Variants in ARHGAP20 observed in about 807,000 individuals in gnomAD.
The protein encoded by ARHGAP20 is Rho GTPase activating protein 20.
Under a neutral mutation model 73.7 loss-of-function variants are expected in ARHGAP20, and 34 were observed. The ratio of observed to expected loss-of-function variants is 0.46; its 90% CI spans 0.35 to 0.61. The LOEUF (loss-of-function observed/expected upper bound fraction) is 0.61. ARHGAP20 is among the 20% of genes least tolerant of loss of function. ARHGAP20 has a pLI of 0.00. For missense variants in ARHGAP20, 1,314 were observed against 1,420.9 expected, an observed-to-expected ratio of 0.92 and a Z score of 1.21; for synonymous variants, 523 against 518.2, an observed-to-expected ratio of 1.01 and a Z score of -0.13.
rs544243347 is a variant in ARHGAP20, at chr11:110,667,371, C to G, written c.188+23176G>C. ...CTCTGCTTGTGCTCTATCATTGGAGCAACAAAGTGTGGGTGACAGCATATC... is the reference window on the plus strand; with the variant it reads ...CTCTGCTTGTGCTCTATCATTGGAGGAACAAAGTGTGGGTGACAGCATATC... On this transcript the variant is annotated intron_variant, in intron 2 of 14. Coordinates refer to ENST00000683387, the MANE Select transcript of ARHGAP20 (RefSeq NM_001384657.1). Among the ~76,000 whole-genome samples the G allele has an allele frequency of 2.0e-5, 3 of 152,256 alleles. No individual in the cohort carries two copies. In the South Asian group the frequency reaches 6.2e-4, roughly 32 times the overall value.
At chr11:110,640,899 T>C (rs112676026) in intron 2 of ARHGAP20, among the ~76,000 whole-genome samples, 37 of 152,076 alleles carry the variant, frequency 2.4e-4, no homozygotes, top group African/African-American at 8.4e-4. Context: ...ACTTAAAGTA[T>C]AATGAAAAAA....
chr11:110,590,952 A>T, intron 10 of ARHGAP20, 143 bp from the exon 11 acceptor site: 1 of 871,892 alleles, frequency 1.1e-6, no homozygotes, highest in African/African-American at 1.7e-5. Flanking sequence ...TGGCCGGAAA[A>T]ATTAAAGTCA....
At chr11:110,628,327 T>G (rs1261076760) in intron 3 of ARHGAP20, among the ~76,000 whole-genome samples, 1 of 152,090 alleles carries the variant, frequency 6.6e-6, no homozygotes, top group East Asian at 1.9e-4. Flanking sequence ...CATCCAAGGG[T>G]AAGAAATGAC....
intron 11 of ARHGAP20, among the ~76,000 whole-genome samples, chr11:110,587,778 T>C (rs1947709780): frequency 6.6e-6 from 1 of 152,076 alleles, no homozygotes; most frequent in South Asian, 2.1e-4. Flanking sequence ...TTTTTTAGAA[T>C]GTTTAACAAG....
At chr11:110,662,581 A>C (rs78162130) in intron 2 of ARHGAP20, among the ~76,000 whole-genome samples, 4,213 of 152,026 alleles carry the variant, frequency 0.028, 147 homozygotes, top group African/African-American at 0.08. Context: ...ATTATAAGAT[A>C]ATGTGAGTAA....
intron 9 of ARHGAP20, among the ~76,000 whole-genome samples, chr11:110,606,226 G>A (rs1426912919): frequency 6.6e-6 from 1 of 152,128 alleles, no homozygotes; most frequent in Non-Finnish European, 1.5e-5. Context: ...ACCATTTAGG[G>A]AGAACACACA....
At position 110,578,043 on chromosome 11, in the gene ARHGAP20, T is replaced by C. The variant is rs1361711421; in HGVS notation, c.*1327A>G. ...GGTTAGTAGTTAATGTGAAAGAAGA[T>C]GCACATCCATTTTTAGTGCCATCCC... On this transcript the variant is annotated 3_prime_UTR_variant, in exon 15 of 15. Transcript: ENST00000683387. 1.0e-5 allele frequency: 10 copies of C among 985,304 alleles called. No homozygotes were observed. Among genetic ancestry groups the C allele is most frequent in the Non-Finnish European group, 1.1e-5 (9 of 829,922 alleles). 61.0% of individuals were successfully genotyped at this position (985,304 alleles called of 1,614,324 possible).
intron 2 of ARHGAP20, among the ~76,000 whole-genome samples, chr11:110,651,384 C>A (rs1054174771): frequency 1.9e-4 from 29 of 151,860 alleles, no homozygotes; most frequent in African/African-American, 7.0e-4. Flanking sequence ...CAGAGTGGAA[C>A]TGAAGAAGGT....
At chr11:110,712,079 TG>T (rs1191456841) in intron 1 of ARHGAP20, 47 bp downstream of exon 1, 10 of 1,256,102 alleles carry the variant, frequency 8.0e-6, no homozygotes, top group South Asian at 3.5e-5. Context: ...GCGCCGGCAG[TG>T]GGGGCTGCGG....
intron 11 of ARHGAP20, 122 bp from the exon 12 acceptor site, chr11:110,586,447 G>GA: frequency 4.3e-6 from 2 of 467,756 alleles, no homozygotes; most frequent in Non-Finnish European, 7.5e-6. Flanking sequence ...GAACTACACA[G>GA]AGCTCTGCGC....
intron 12 of ARHGAP20, among the ~76,000 whole-genome samples, chr11:110,585,060 T>C (rs1266722563): frequency 6.7e-6 from 1 of 150,250 alleles, no homozygotes; most frequent in Non-Finnish European, 1.5e-5. Context: ...TATATGAATA[T>C]ATGTGAACAT....
chr11:110,592,883 G>A lies in ARHGAP20; in HGVS notation c.965-728C>T, dbSNP rs371738505. 2.4e-4 allele frequency among the ~76,000 whole-genome samples: 36 copies of A among 152,262 alleles called. No individual in the cohort carries two copies. In the East Asian group the frequency reaches 2.9e-3, roughly 12 times the overall value. On this transcript the variant is annotated intron_variant, in intron 9 of 14. Coordinates refer to ENST00000683387, the MANE Select transcript of ARHGAP20 (RefSeq NM_001384657.1). ...TTCTTGACTTTAAAGTATGTTTAAG[G>A]AAGCATGGATGGACACAAACATGAA...
intron 3 of ARHGAP20, among the ~76,000 whole-genome samples, chr11:110,628,554 C>CTA (rs1331717361): frequency 1.3e-5 from 2 of 152,102 alleles, no homozygotes; most frequent in African/African-American, 4.8e-5. Flanking sequence ...TCTCAAATAT[C>CTA]TATGTTCTAT....
At chr11:110,703,403 C>A (rs1368690776) in intron 1 of ARHGAP20, among the ~76,000 whole-genome samples, 1 of 152,046 alleles carries the variant, frequency 6.6e-6, no homozygotes, top group Non-Finnish European at 1.5e-5. Context: ...AGTTCTACCA[C>A]TTAATTTCTC....
At chr11:110,645,754 TGTG>T (rs1324189181) in intron 2 of ARHGAP20, among the ~76,000 whole-genome samples, 4 of 152,092 alleles carry the variant, frequency 2.6e-5, no homozygotes, top group Non-Finnish European at 4.4e-5. Context: ...ATAAAGAAAA[TGTG>T]GTACATATTC....
intron 1 of ARHGAP20, among the ~76,000 whole-genome samples, chr11:110,705,906 G>T (rs891575499): frequency 2.6e-5 from 4 of 152,156 alleles, no homozygotes; most frequent in African/African-American, 9.7e-5. Context: ...ATTAGGCCTG[G>T]CTAAGGGCTC....
intron 1 of ARHGAP20, among the ~76,000 whole-genome samples, chr11:110,691,360 A>G (rs1950238898): frequency 6.6e-6 from 1 of 152,004 alleles, no homozygotes; most frequent in Non-Finnish European, 1.5e-5. Context: ...AGTAAAATTA[A>G]CCATATATAG....
In ARHGAP20 at chr11:110,579,090, T is replaced by A; in HGVS notation, c.*280A>T. 9.5e-7 allele frequency: 1 copy of A among 1,052,524 alleles called. No homozygotes were observed. Among genetic ancestry groups the A allele is most frequent in the Non-Finnish European group, 1.1e-6 (1 of 870,628 alleles). 65.2% of individuals were successfully genotyped at this position (1,052,524 alleles called of 1,614,324 possible). A position where few individuals can be genotyped will look rare whatever the true frequency, so the allele number is the denominator to read the frequency against. ...TAAGTGCTTCCTCTGCAGAAGATGCTTTCTCTAGCCCTCTGTTAGTATCTC... is the reference window on the plus strand; with the variant it reads ...TAAGTGCTTCCTCTGCAGAAGATGCATTCTCTAGCCCTCTGTTAGTATCTC... On this transcript the variant is annotated 3_prime_UTR_variant, in exon 15 of 15. Transcript: ENST00000683387.
chr11:110,659,666 A>G (rs1331576785), intron 2 of ARHGAP20, among the ~76,000 whole-genome samples: 3 of 152,298 alleles, frequency 2.0e-5, no homozygotes, highest in Non-Finnish European at 4.4e-5. Flanking sequence ...AATGTCCAAC[A>G]ATGATAGACT....
Sources: allele counts gnomAD v4.1 joint callset (sites outside exome capture counted in the v4.1 genomes callset), GRCh38; gene constraint gnomAD v4.1.1; transcripts MANE v1.5; gene names NCBI Gene and HGNC (gene_info 2026-07-23, HGNC 2026-07-21).